Variants in ADGRV1 observed in about 807,000 individuals in gnomAD.
The protein encoded by ADGRV1 is G-protein coupled receptor 98.
Under a neutral mutation model 596.2 loss-of-function variants are expected in ADGRV1, and 359 were observed. The observed-to-expected ratio is 0.60, with a 90% CI of 0.55 to 0.66. The LOEUF (loss-of-function observed/expected upper bound fraction) is 0.66. ADGRV1 is among the 30% of genes least tolerant of loss of function. The probability of loss-of-function intolerance (pLI) is 0.00; values close to 1 mark genes in which losing one functional copy is unlikely to be tolerated. For synonymous variants in ADGRV1, 2,681 were observed against 2,679.2 expected (o/e 1.00, Z -0.02); for missense variants, 7,274 against 7,575.6 (o/e 0.96, Z 1.48).
intron 83 of ADGRV1, among the ~76,000 whole-genome samples, chr5:90,964,239 G>A (rs528207787): frequency 2.0e-5 from 3 of 152,046 alleles, no homozygotes; most frequent in South Asian, 2.1e-4. Flanking sequence ...AATTCAAATA[G>A]CATTAAAAGC....
At chr5:91,089,131 G>A (rs1436205120) in intron 86 of ADGRV1, among the ~76,000 whole-genome samples, 2 of 152,066 alleles carry the variant, frequency 1.3e-5, no homozygotes, top group Non-Finnish European at 2.9e-5. Context: ...ATAATAATAA[G>A]CCTTTATATA....
intron 59 of ADGRV1, among the ~76,000 whole-genome samples, chr5:90,773,960 G>A (rs930586283): frequency 1.3e-5 from 2 of 152,142 alleles, no homozygotes; most frequent in Non-Finnish European, 2.9e-5. Context: ...AGTAAATTTA[G>A]GGGTTGTATT....
chr5:91,000,945 C>T (rs998683648), intron 85 of ADGRV1, among the ~76,000 whole-genome samples: 21 of 152,024 alleles, frequency 1.4e-4, no homozygotes, highest in African/African-American at 4.8e-4. Context: ...TAAGGCCCAC[C>T]CACAGTAGGG....
chr5:91,063,244 C>A (rs1376948432), intron 85 of ADGRV1, among the ~76,000 whole-genome samples: 1 of 152,124 alleles, frequency 6.6e-6, no homozygotes, highest in African/African-American at 2.4e-5. Flanking sequence ...TAGGCATGAG[C>A]CACTGCACCA....
At chr5:90,566,836 A>G (rs1245173442) in intron 1 of ADGRV1, among the ~76,000 whole-genome samples, 2 of 152,044 alleles carry the variant, frequency 1.3e-5, no homozygotes, top group Non-Finnish European at 2.9e-5. Flanking sequence ...CCTGCCTAGA[A>G]CTTCCAGTAA....
chr5:90,923,833 A>G (rs551041722), intron 83 of ADGRV1, among the ~76,000 whole-genome samples: 107 of 126,684 alleles, frequency 8.4e-4, no homozygotes, highest in African/African-American at 3.1e-3. Flanking sequence ...TCCTGTGTCC[A>G]TGTGATCTCA....
chr5:91,096,770 A>G (rs930421482), intron 86 of ADGRV1, among the ~76,000 whole-genome samples: 1 of 152,218 alleles, frequency 6.6e-6, no homozygotes, highest in Non-Finnish European at 1.5e-5. Flanking sequence ...TCAGTGTCAC[A>G]TAAGTACACT....
intron 87 of ADGRV1, among the ~76,000 whole-genome samples, chr5:91,139,342 A>T (rs1326122335): frequency 6.6e-6 from 1 of 152,166 alleles, no homozygotes; most frequent in Non-Finnish European, 1.5e-5. Flanking sequence ...AGCCCAGTAT[A>T]TATGTATCTT....
At chr5:90,937,050 A>C (rs796994650) in intron 83 of ADGRV1, among the ~76,000 whole-genome samples, 2 of 152,136 alleles carry the variant, frequency 1.3e-5, no homozygotes, top group Non-Finnish European at 2.9e-5. Context: ...TCAGTCCATT[A>C]TTCTAATGTA....
chr5:90,840,373 C>T (rs1581279422), intron 77 of ADGRV1, among the ~76,000 whole-genome samples: 1 of 152,312 alleles, frequency 6.6e-6, no homozygotes, highest in East Asian at 1.9e-4. Flanking sequence ...TTCCTAATCT[C>T]ATCACTGTAT....
At chr5:91,119,036 C>T (rs1279548915) in intron 87 of ADGRV1, among the ~76,000 whole-genome samples, 4 of 152,004 alleles carry the variant, frequency 2.6e-5, no homozygotes, top group Non-Finnish European at 5.9e-5. Flanking sequence ...GTTAGTAATC[C>T]CACAGATAAC....
At chr5:90,898,781 C>T (rs976686760) in intron 83 of ADGRV1, among the ~76,000 whole-genome samples, 1 of 151,568 alleles carries the variant, frequency 6.6e-6, no homozygotes, top group African/African-American at 2.4e-5. Flanking sequence ...CCTGTCTCTA[C>T]AAAAGATTTA....
At chr5:91,032,775 T>C (rs973258287) in intron 85 of ADGRV1, among the ~76,000 whole-genome samples, 2 of 152,192 alleles carry the variant, frequency 1.3e-5, no homozygotes, top group Admixed American at 1.3e-4. Context: ...TTCTCTTAGA[T>C]GCATATAGAT....
chr5:90,790,737 G>A (rs1759970723), intron 69 of ADGRV1, 136 bp from the exon 70 acceptor site: 2 of 601,560 alleles, frequency 3.3e-6, no homozygotes, highest in Non-Finnish European at 5.7e-6. Context: ...CATATACTTA[G>A]AGAGTTTGGC....
At chr5:91,030,429 G>T (rs1041118591) in intron 85 of ADGRV1, among the ~76,000 whole-genome samples, 1 of 151,988 alleles carries the variant, frequency 6.6e-6, no homozygotes, top group African/African-American at 2.4e-5. Context: ...GGAGTTCTTT[G>T]TGTGTAAAGA....
chr5:90,960,780 G>A (rs1455089747), intron 83 of ADGRV1, among the ~76,000 whole-genome samples: 2 of 152,114 alleles, frequency 1.3e-5, no homozygotes, highest in African/African-American at 4.8e-5. Context: ...AAAGGAAGAG[G>A]AAGAACAAAG....
chr5:90,692,250 T>C (rs1746570920), intron 31 of ADGRV1, among the ~76,000 whole-genome samples: 1 of 152,166 alleles, frequency 6.6e-6, no homozygotes, highest in Non-Finnish European at 1.5e-5. Context: ...CATTAAAATG[T>C]ATATTTCAGA....
chr5:90,896,989 G>A (rs922608210), intron 83 of ADGRV1, among the ~76,000 whole-genome samples: 3 of 152,198 alleles, frequency 2.0e-5, no homozygotes, highest in African/African-American at 4.8e-5. Context: ...GACCTGTATG[G>A]ACAGGTTAGG....
rs1750720773 is a variant in ADGRV1 at position 90,720,114 on chromosome 5, T to C, written c.9514T>C (p.Phe3172Leu). ...EMDEYFVCTLFNPTGGARLGV... is the reference protein window; with the variant it reads ...EMDEYFVCTLLNPTGGARLGV... ...GGATGAGTATTTTGTTTGCACCTTG[T>C]TTAATCCAACTGGAGGTGCTAGACT... Residue 3172 changes from phenylalanine to leucine, a missense_variant, in exon 44 of 90, where the codon TTT (phenylalanine) becomes CTT (leucine). Coordinates refer to ENST00000405460, the MANE Select transcript of ADGRV1 (RefSeq NM_032119.4). 1 of 1,613,586 alleles carries C rather than the reference T, an allele frequency of 6.2e-7. No homozygotes were observed. The highest frequency in any genetic ancestry group is 1.3e-5 in the African/African-American group (1 of 74,932).
Sources: allele counts gnomAD v4.1 joint callset (sites outside exome capture counted in the v4.1 genomes callset), GRCh38; gene constraint gnomAD v4.1.1; transcripts MANE v1.5; gene names NCBI Gene and HGNC (gene_info 2026-07-23, HGNC 2026-07-21).